ATOSA: variants seen among roughly 807,000 people sequenced by gnomAD.
ATOSA encodes atos homolog A, also known as atos homolog protein A.
At chr15:52,589,284 C>T in the ATOSA span, among the ~76,000 whole-genome samples, 2 of 152,114 alleles carry the variant, frequency 1.3e-5, no homozygotes, top group African/African-American at 4.8e-5. Flanking sequence ...ATTTACTCTA[C>T]ATGAAAAAGA....
chr15:52,591,431 C>T, the ATOSA span, among the ~76,000 whole-genome samples: 1 of 152,096 alleles, frequency 6.6e-6, no homozygotes, highest in African/African-American at 2.4e-5. Context: ...AGGGTTTCAT[C>T]ATGTTGGCTA....
chr15:52,625,326 G>C, the ATOSA span, among the ~76,000 whole-genome samples: 3 of 152,004 alleles, frequency 2.0e-5, no homozygotes, highest in Non-Finnish European at 2.9e-5. Flanking sequence ...TGACAAGTGT[G>C]AAAAAGAGTG....
the ATOSA span, chr15:52,582,274 G>C: frequency 2.5e-6 from 4 of 1,589,946 alleles, no homozygotes; most frequent in Non-Finnish European, 3.4e-6. Flanking sequence ...CGTCTCTATG[G>C]AGGTAGATCT....
chr15:52,643,096 TTCC>T, the ATOSA span, among the ~76,000 whole-genome samples: 1 of 152,146 alleles, frequency 6.6e-6, no homozygotes, highest in Non-Finnish European at 1.5e-5. Flanking sequence ...ATCACTAGAA[TTCC>T]TCCTGTTTCC....
the ATOSA span, chr15:52,611,852 T>C: frequency 1.4e-5 from 18 of 1,318,928 alleles, no homozygotes; most frequent in South Asian, 2.4e-4. Flanking sequence ...AAATTATCAT[T>C]GTAAAGTAGA....
the ATOSA span, among the ~76,000 whole-genome samples, chr15:52,663,842 T>A: frequency 2.6e-5 from 4 of 152,132 alleles, no homozygotes; most frequent in African/African-American, 7.2e-5. Context: ...CCCAGGCTCA[T>A]CTTGAACTCC....
the ATOSA span, among the ~76,000 whole-genome samples, chr15:52,637,316 A>G: frequency 1.3e-5 from 2 of 152,242 alleles, no homozygotes; most frequent in South Asian, 4.1e-4. Context: ...AAGGGAGAAA[A>G]TTAAGACAAA....
chr15:52,706,014 A>G, the ATOSA span, among the ~76,000 whole-genome samples: 3 of 152,128 alleles, frequency 2.0e-5, no homozygotes, highest in East Asian at 3.8e-4. Context: ...GTTTTTCAAT[A>G]TTACATATTA....
the ATOSA span, among the ~76,000 whole-genome samples, chr15:52,659,302 G>A: frequency 6.6e-6 from 1 of 152,218 alleles, no homozygotes; most frequent in South Asian, 2.1e-4. Flanking sequence ...CAGTGAACAA[G>A]AGAGGGAGAA....
chr15:52,652,978 A>T, the ATOSA span, among the ~76,000 whole-genome samples: 7 of 152,210 alleles, frequency 4.6e-5, no homozygotes, highest in African/African-American at 1.7e-4. Context: ...GAATTATAAA[A>T]ATTTCTCATT....
At chr15:52,650,852 G>T in the ATOSA span, among the ~76,000 whole-genome samples, 1 of 152,124 alleles carries the variant, frequency 6.6e-6, no homozygotes, top group African/African-American at 2.4e-5. Flanking sequence ...CGTAAAATGG[G>T]CAATATGCTA....
chr15:52,590,745 C>A, the ATOSA span: 1 of 152,184 alleles, frequency 6.6e-6, no homozygotes, highest in Non-Finnish European at 1.5e-5. Flanking sequence ...AAGACTGGAA[C>A]TGGGTCACTT....
chr15:52,700,158 C>A, the ATOSA span, among the ~76,000 whole-genome samples: 1 of 152,134 alleles, frequency 6.6e-6, no homozygotes, highest in African/African-American at 2.4e-5. Flanking sequence ...TTTACAGGAA[C>A]AACTCTATGA....
the ATOSA span, among the ~76,000 whole-genome samples, chr15:52,617,189 C>G: frequency 6.6e-6 from 1 of 150,488 alleles, no homozygotes; most frequent in South Asian, 2.1e-4. Context: ...AGGGTGGTAA[C>G]GCATGTAGCT....
At chr15:52,584,037 C>T in the ATOSA span, among the ~76,000 whole-genome samples, 4 of 144,366 alleles carry the variant, frequency 2.8e-5, no homozygotes, top group Non-Finnish European at 4.5e-5. Flanking sequence ...TGCCTGGACC[C>T]GAGATGAAAG....
chr15:52,647,580 T>C, the ATOSA span, among the ~76,000 whole-genome samples: 1 of 152,250 alleles, frequency 6.6e-6, no homozygotes, highest in Non-Finnish European at 1.5e-5. Context: ...CAATGTCACC[T>C]TTAGCTCAGT....
chr15:52,625,269 C>A, the ATOSA span, among the ~76,000 whole-genome samples: 2 of 151,752 alleles, frequency 1.3e-5, no homozygotes, highest in Non-Finnish European at 2.9e-5. Context: ...ATTTTATATA[C>A]CATGAAAAGT....
At chr15:52,672,357 G>A in the ATOSA span, among the ~76,000 whole-genome samples, 1 of 151,140 alleles carries the variant, frequency 6.6e-6, no homozygotes, top group African/African-American at 2.4e-5. Context: ...CCATGAAAAA[G>A]AAAAAGAAAA....
At chr15:52,631,762 C>A in the ATOSA span, among the ~76,000 whole-genome samples, 29 of 152,130 alleles carry the variant, frequency 1.9e-4, no homozygotes, top group Non-Finnish European at 3.1e-4. Flanking sequence ...AATGCTAACC[C>A]AAGAAATTGC....
Sources: allele counts gnomAD v4.1 joint callset (sites outside exome capture counted in the v4.1 genomes callset), GRCh38; gene constraint gnomAD v4.1.1; transcripts MANE v1.5; gene names NCBI Gene and HGNC (gene_info 2026-07-23, HGNC 2026-07-21).